The following ATIC variants were observed in gnomAD, a reference collection of about 807,000 sequenced individuals.
ATIC encodes the protein 5-aminoimidazole-4-carboxamide ribonucleotide formyltransferase/IMP cyclohydrolase.
In ATIC, 64 loss-of-function variants were observed where a neutral mutation model predicts 72.5. That is an observed-to-expected ratio of 0.88 (90% CI 0.72 to 1.09). The LOEUF (loss-of-function observed/expected upper bound fraction) is 1.09, where lower values mean the gene tolerates loss of function less well. Ranked by LOEUF, ATIC falls within the 50% of genes least tolerant of loss-of-function variation. ATIC has a pLI of 0.00. For missense variants in ATIC, 787 were observed against 732.4 expected (o/e 1.07, Z -0.86); for synonymous variants, 281 against 267.1 (o/e 1.05, Z -0.51).
At position 215,338,849 on chromosome 2, in the gene ATIC, G is replaced by A; in HGVS notation, c.1169G>A (p.Arg390Lys). Residue 390 changes from arginine (R) to lysine (K), a missense_variant, in exon 12 of 16, where the codon AGA becomes AAA. Coordinates refer to ENST00000236959, the MANE Select transcript of ATIC (RefSeq NM_004044.7). ...TTTGGTCTTCATTTAAGCCAGAAGA[G>A]AAATAATGGTGTCGTCGACAAGTCA... ...TLFGLHLSQK[R>K]NNGVVDKSLF... The A allele has an allele frequency of 6.2e-7, 1 of 1,613,904 alleles. No homozygotes were observed. Among genetic ancestry groups the A allele is most frequent in the Non-Finnish European group, 8.5e-7 (1 of 1,179,886 alleles).
chr2:215,334,189 C>CT (rs551274501), intron 9 of ATIC, among the ~76,000 whole-genome samples: 2,676 of 100,888 alleles, frequency 0.027, 190 homozygotes, highest in African/African-American at 0.078. Context: ...AAAAGCTATT[C>CT]TTTTTTTTTT....
chr2:215,364,634 T>G, the ATIC span: 1 of 562,748 alleles, frequency 1.8e-6, no homozygotes, highest in Non-Finnish European at 3.2e-6. Context: ...AAGACTTGTG[T>G]TTTTGGTACT....
At chr2:215,333,585 G>C in intron 9 of ATIC, 128 bp downstream of exon 9, 1 of 617,270 alleles carries the variant, frequency 1.6e-6, no homozygotes, top group African/African-American at 1.8e-5. Flanking sequence ...ATGAAATTAA[G>C]GACTTCTATC....
intron 6 of ATIC, 94 bp downstream of exon 6, chr2:215,326,232 C>G: frequency 6.8e-7 from 1 of 1,470,210 alleles, no homozygotes. Flanking sequence ...ATTGCATTAC[C>G]TACCAAAGCT....
chr2:215,368,136 TC>T, the ATIC span: 1 of 1,188,278 alleles, frequency 8.4e-7, no homozygotes. Context: ...AAACAAGAAT[TC>T]CAGGAGGATT....
intron 10 of ATIC, 40 bp downstream of exon 10, chr2:215,335,044 AAAG>A: frequency 4.1e-6 from 6 of 1,456,858 alleles, no homozygotes; most frequent in Non-Finnish European, 5.8e-6. Flanking sequence ...TGTGTTGAAT[AAAG>A]CTTTATTTGT....
intron 12 of ATIC, among the ~76,000 whole-genome samples, chr2:215,342,942 A>G (rs1387996583): frequency 6.6e-6 from 1 of 152,238 alleles, no homozygotes; most frequent in Non-Finnish European, 1.5e-5. Context: ...GATTACAGGC[A>G]TGAGCCACTG....
At chr2:215,347,138 G>T in intron 14 of ATIC, 197 bp downstream of exon 14, 1 of 754,412 alleles carries the variant, frequency 1.3e-6, no homozygotes, top group South Asian at 1.8e-5. Context: ...CATTGTTTTT[G>T]ACCCCTTTCT....
At chr2:215,332,735 ACC>A (rs1262840566) in intron 8 of ATIC, among the ~76,000 whole-genome samples, 1 of 152,192 alleles carries the variant, frequency 6.6e-6, no homozygotes, top group Admixed American at 6.5e-5. Context: ...GTGGGGTGGA[ACC>A]ATAAAAGTTT....
intron 13 of ATIC, chr2:215,345,214 C>A: frequency 2.8e-6 from 1 of 360,374 alleles, no homozygotes; most frequent in Non-Finnish European, 5.3e-6. Flanking sequence ...AGGTAAGTTA[C>A]GGTACTGCCA....
At chr2:215,350,021 T>C (rs538973301), downstream of ATIC, among the ~76,000 whole-genome samples, 1 of 152,290 alleles carries the variant, frequency 6.6e-6, no homozygotes, top group African/African-American at 2.4e-5. Flanking sequence ...AGGTGGAGTA[T>C]TGATGTAAAT....
intron 3 of ATIC, 59 bp from the exon 4 acceptor site, chr2:215,319,606 A>G (rs2052745699): frequency 1.6e-5 from 20 of 1,249,382 alleles, no homozygotes; most frequent in South Asian, 2.4e-5. Flanking sequence ...GTTGAAAGAC[A>G]TTCCTTAATC....
chr2:215,321,476 C>T (rs1431791451), intron 4 of ATIC, among the ~76,000 whole-genome samples: 2 of 152,140 alleles, frequency 1.3e-5, no homozygotes, highest in African/African-American at 2.4e-5. Flanking sequence ...CATACACATT[C>T]GTTTCATTGG....
Position 215,312,070 on chromosome 2 carries a change from G to C in ATIC, c.-73G>C. On this transcript the variant is annotated 5_prime_UTR_variant, in exon 1 of 16. Coordinates refer to ENST00000236959, the MANE Select transcript of ATIC (RefSeq NM_004044.7). The stretch of plus-strand genomic sequence containing the variant: ...TCGCTTCCTGAGCCGCCACATCCCG[G>C]CAGCCCTCCTACCTGCGCACGTGGT... 7 of 1,525,496 alleles carry C rather than the reference G, an allele frequency of 4.6e-6. No homozygotes were observed. The highest frequency in any genetic ancestry group is 6.1e-6 in the Non-Finnish European group (7 of 1,140,814). 94.5% of individuals were successfully genotyped at this position (1,525,496 alleles called of 1,614,324 possible).
At chr2:215,347,618 C>T (rs558240043) in intron 14 of ATIC, 2 of 490,796 alleles carry the variant, frequency 4.1e-6, no homozygotes, top group East Asian at 9.6e-5. Flanking sequence ...GTTTTTTATT[C>T]AGGAGCAGGA....
chr2:215,359,619 GAAACCTCAT>G, the ATIC span, among the ~76,000 whole-genome samples: 113 of 152,266 alleles, frequency 7.4e-4, no homozygotes, highest in South Asian at 0.018. Flanking sequence ...TTTCGCTAAG[GAAACCTCAT>G]CTGAGCTTCA....
At chr2:215,339,779 C>T (rs1237406435) in intron 12 of ATIC, among the ~76,000 whole-genome samples, 2 of 151,066 alleles carry the variant, frequency 1.3e-5, no homozygotes, top group African/African-American at 2.4e-5. Context: ...GGACTACAGG[C>T]GCCCGCCACA....
chr2:215,333,530 G>A (rs986330035), intron 9 of ATIC, 73 bp downstream of exon 9: 3 of 1,234,224 alleles, frequency 2.4e-6, no homozygotes, highest in Non-Finnish European at 3.4e-6. Context: ...GAATAAAGAG[G>A]ATAGAATAAA....
chr2:215,328,294 G>C (rs79481721), intron 7 of ATIC, among the ~76,000 whole-genome samples: 2 of 152,140 alleles, frequency 1.3e-5, no homozygotes, highest in Admixed American at 1.3e-4. Context: ...GGGCTTCACA[G>C]CACAGTAATC....
Sources: gnomAD v4.1 joint callset for allele counts (sites outside exome capture counted in the v4.1 genomes callset) on GRCh38, gnomAD v4.1.1 for gene constraint, MANE v1.5 for transcripts, NCBI Gene and HGNC (gene_info 2026-07-23, HGNC 2026-07-21) for gene names.